The following GPRIN1 variants were observed in gnomAD, a reference collection of about 807,000 sequenced individuals.
The protein encoded by GPRIN1 is G protein regulated inducer of neurite outgrowth 1.
A neutral mutation model predicts 2.8 loss-of-function variants in GPRIN1; 4 were observed. The observed-to-expected ratio is 1.45, with a 90% CI of 0.71 to 3.32. GPRIN1 has a LOEUF of 3.32. Among genes scored for constraint, GPRIN1 ranks in the 30% most tolerant of loss-of-function variants. The pLI, the probability that GPRIN1 is intolerant of heterozygous loss-of-function variation, is 0.01. For missense variants in GPRIN1, 1,322 were observed against 1,343.4 expected (o/e 0.98, Z 0.25); for synonymous variants, 589 against 589.9 (o/e 1.00, Z 0.02).
intron 1 of GPRIN1, among the ~76,000 whole-genome samples, chr5:176,604,300 G>C (rs1277296464): frequency 1.3e-5 from 2 of 152,234 alleles, no homozygotes; most frequent in South Asian, 2.1e-4. Flanking sequence ...AGTCGGAAAG[G>C]GGGTGGCAGC....
chr5:176,604,846 GCCTCAGCCTCC>G (rs1386130708), intron 1 of GPRIN1, among the ~76,000 whole-genome samples: 5 of 151,400 alleles, frequency 3.3e-5, no homozygotes, highest in Non-Finnish European at 7.4e-5. Flanking sequence ...TGATTCTCCT[GCCTCAGCCTCC>G]CAAGTAGCTG....
intron 1 of GPRIN1, among the ~76,000 whole-genome samples, chr5:176,606,218 T>C (rs529442972): frequency 7.2e-5 from 11 of 152,056 alleles, no homozygotes; most frequent in Non-Finnish European, 1.3e-4. Context: ...AAATGAGGGG[T>C]GTGCCTGACT....
intron 1 of GPRIN1, among the ~76,000 whole-genome samples, chr5:176,607,901 C>CTT (rs1304388285): frequency 2.1e-5 from 2 of 95,904 alleles, no homozygotes; most frequent in Non-Finnish European, 4.2e-5. Context: ...TGACACTTGG[C>CTT]TCTTTTTTTT....
In GPRIN1 at chr5:176,598,712, C is replaced by G. The variant is rs768405768; in HGVS notation, c.1123G>C (p.Gly375Arg). 1.9e-6 allele frequency: 3 copies of G among 1,614,066 alleles called. No individual in the cohort carries two copies. The highest frequency in any genetic ancestry group is 1.1e-5 in the South Asian group (1 of 91,088). Residue 375 changes from glycine to arginine, a missense_variant, in exon 2 of 2, where the codon GGA (glycine) becomes CGA (arginine). Gly to Arg is a moderately radical substitution (Grantham distance 125). Transcript: ENST00000303991. ...PATKEDSRFL[G>R]KMDPASSGEG... ...CCTGAGGAGGCAGGGTCCATCTTTC[C>G]CAGGAACCGGGAGTCCTCTTTTGTG...
chr5:176,608,284 A>G (rs1477916021), intron 1 of GPRIN1, among the ~76,000 whole-genome samples: 1 of 152,146 alleles, frequency 6.6e-6, no homozygotes, highest in Admixed American at 6.5e-5. Context: ...CTCCCAAGCA[A>G]CAGTGCCAAG....
Position 176,597,015 on chromosome 5 carries a change from C to T in GPRIN1, c.2820G>A (p.Lys940=). ...EVEVLGMAIQ[K]HLERQIEEHG... ...GCTCCTCGATCTGTCGCTCCAGATG[C>T]TTCTGGATGGCCATGCCCAGCACCT... is the stretch of plus-strand genomic sequence containing the variant. The change falls in exon 2 of 2, where the codon AAG becomes AAA. Residue 940 remains lysine (K), a synonymous_variant. Transcript: ENST00000303991. This position sits in a 1 kb window ranked among gnomAD's most constrained non-coding sequence, Gnocchi z 6.1. The T allele has an allele frequency of 1.4e-6, 2 of 1,476,160 alleles. No homozygotes were observed. Among genetic ancestry groups the T allele is most frequent in the Non-Finnish European group, 1.8e-6 (2 of 1,108,598 alleles). The allele number at this position is 1,476,160 out of a possible 1,614,324, so 91.4% of individuals were successfully genotyped here.
chr5:176,597,110 G>A lies in GPRIN1; in HGVS notation c.2725C>T (p.Pro909Ser). ...TCGTCCCAGCTCACGTCTCGCACGG[G>A]CTCAGCCGGCTCCGGGGGCGCTACA... ...AAVAPPEPAE[P>S]VRDVSWDEKG... Residue 909 changes from proline to serine, a missense_variant, in exon 2 of 2, where the codon CCC becomes TCC. Pro to Ser is a moderately conservative substitution (Grantham distance 74, BLOSUM62 -1). Around this residue, in one of 3 missense-constraint regions of GPRIN1, gnomAD observed 196 missense variants for 189.2 expected, o/e 1.04. Coordinates refer to ENST00000303991, the MANE Select transcript of GPRIN1 (RefSeq NM_052899.3). This position sits in a 1 kb window ranked among gnomAD's most constrained non-coding sequence, Gnocchi z 6.1. The A allele has an allele frequency of 1.4e-6, 2 of 1,476,062 alleles. No individual in the cohort carries two copies. Among genetic ancestry groups the A allele is most frequent in the South Asian group, 1.3e-5 (1 of 75,090 alleles). 91.4% of individuals were successfully genotyped at this position (1,476,062 alleles called of 1,614,324 possible).
intron 1 of GPRIN1, among the ~76,000 whole-genome samples, chr5:176,601,129 G>A (rs1759143652): frequency 6.6e-6 from 1 of 152,054 alleles, no homozygotes; most frequent in African/African-American, 2.4e-5. Context: ...AGACTTGCCT[G>A]TAGGCCACCA....
chr5:176,597,045 C>T lies in GPRIN1; in HGVS notation c.2790G>A (p.Glu930=), dbSNP rs760843082. 4 of 1,506,242 alleles carry T rather than the reference C, an allele frequency of 2.7e-6. No individual in the cohort carries two copies. The Admixed American group carries it at 5.7e-5, about 21-fold the overall frequency. The allele number at this position is 1,506,242 out of a possible 1,614,324, so 93.3% of individuals were successfully genotyped here. A position where few individuals can be genotyped will look rare whatever the true frequency, so the allele number is the denominator to read the frequency against. ...MTWEVYGAAM[E]VEVLGMAIQK... is the part of the protein sequence containing the mutation. Reference sequence around the variant, plus strand: ...GGATGGCCATGCCCAGCACCTCCACCTCCATGGCGGCGCCGTATACCTCCC... The same window carrying T: ...GGATGGCCATGCCCAGCACCTCCACTTCCATGGCGGCGCCGTATACCTCCC... Residue 930 remains glutamate (E), a synonymous_variant, in exon 2 of 2, where the codon GAG becomes GAA. Transcript: ENST00000303991. The surrounding 1 kb of genome is among the most constrained non-coding windows in gnomAD (Gnocchi z 6.1).
chr5:176,603,093 A>G (rs1485625329), intron 1 of GPRIN1, among the ~76,000 whole-genome samples: 2 of 152,002 alleles, frequency 1.3e-5, no homozygotes, highest in South Asian at 2.1e-4. Flanking sequence ...TTTTTTTCCA[A>G]TGGACAATAA....
Position 176,597,571 on chromosome 5 carries a change from A to C in GPRIN1, c.2264T>G (p.Val755Gly). The change falls in exon 2 of 2, where the codon GTG becomes GGG. Residue 755 changes from valine to glycine, a missense_variant. Physicochemically the swap from Val to Gly is moderately radical, Grantham distance 109. Coordinates refer to ENST00000303991, the MANE Select transcript of GPRIN1 (RefSeq NM_052899.3). The surrounding 1 kb of genome is among the most constrained non-coding windows in gnomAD (Gnocchi z 6.1). Reference sequence around the variant, plus strand: ...GAGACTGGAGGCCTCGGTGCTGGACACGGGCTCGGCCTTCGGCTCCACGCG... The same window carrying C: ...GAGACTGGAGGCCTCGGTGCTGGACCCGGGCTCGGCCTTCGGCTCCACGCG... Reference protein sequence around the residue: ...EGRVEPKAEPVSSTEASSLGQ... With the variant: ...EGRVEPKAEPGSSTEASSLGQ... 2 of 1,587,798 alleles carry C rather than the reference A, an allele frequency of 1.3e-6. No homozygotes were observed. The highest frequency in any genetic ancestry group is 1.7e-6 in the Non-Finnish European group (2 of 1,173,834).
chr5:176,600,928 AAACAAAAATT>A (rs1211994906), intron 1 of GPRIN1, among the ~76,000 whole-genome samples: 2 of 152,178 alleles, frequency 1.3e-5, no homozygotes, highest in African/African-American at 2.4e-5. Flanking sequence ...AAATAAACAA[AAACAAAAATT>A]AATAAAAATA....
chr5:176,603,745 T>G (rs1251041721), intron 1 of GPRIN1, among the ~76,000 whole-genome samples: 1 of 152,200 alleles, frequency 6.6e-6, no homozygotes, highest in East Asian at 1.9e-4. Context: ...ATTCGTGGGA[T>G]CACTGGATGG....
rs1443958143 is a variant in GPRIN1 at position 176,598,261 on chromosome 5, T to C, written c.1574A>G (p.Glu525Gly). Residue 525 changes from glutamate to glycine, a missense_variant, in exon 2 of 2, where the codon GAG becomes GGG. Physicochemically the swap from Glu to Gly is moderately conservative, Grantham distance 98. This residue lies in a region of GPRIN1 where 1,117 missense variants were observed against 1,128.6 expected (regional missense o/e 0.99). Transcript: ENST00000303991. Reference protein sequence around the residue: ...TGGKGDPLSSEKAGLVASGKA... With the variant: ...TGGKGDPLSSGKAGLVASGKA... Reference sequence around the variant, plus strand: ...TCCAGAGGCCACCAGACCTGCCTTCTCCGAGGACAGGGGATCTCCTTTTCC... The same window carrying C: ...TCCAGAGGCCACCAGACCTGCCTTCCCCGAGGACAGGGGATCTCCTTTTCC... The C allele has an allele frequency of 1.2e-6, 2 of 1,613,162 alleles. No homozygotes were observed. Among genetic ancestry groups the C allele is most frequent in the Non-Finnish European group, 1.7e-6 (2 of 1,179,786 alleles).
chr5:176,595,827 T>C lies in GPRIN1; in HGVS notation c.*981A>G, dbSNP rs1759020054. On this transcript the variant is annotated 3_prime_UTR_variant, in exon 2 of 2. Coordinates refer to ENST00000303991, the MANE Select transcript of GPRIN1 (RefSeq NM_052899.3). ...TTGGGGAAATATTTTATTACCAATG[T>C]ATACTGTGACAGTTTGTAGCCAAAA... 6.8e-6 allele frequency: 5 copies of C among 734,374 alleles called. No individual in the cohort carries two copies. In the East Asian group the frequency reaches 1.3e-4, roughly 19 times the overall value. The allele number at this position is 734,374 out of a possible 1,614,324, so 45.5% of individuals were successfully genotyped here.
In GPRIN1 at chr5:176,601,685, A is replaced by T. The variant is rs1008216553; in HGVS notation, c.-43-1808T>A. 5.9e-5 allele frequency among the ~76,000 whole-genome samples: 9 copies of T among 152,274 alleles called. No individual in the cohort carries two copies. The East Asian group carries it at 1.7e-3, about 29-fold the overall frequency. On this transcript the variant is annotated intron_variant, in intron 1 of 1. Transcript: ENST00000303991. ...CCGTTACACACTCAGTAGCCAAAGCAAATAGAGCTCCTGATCCCCTCAAAC... is the reference window on the plus strand; with the variant it reads ...CCGTTACACACTCAGTAGCCAAAGCTAATAGAGCTCCTGATCCCCTCAAAC...
At chr5:176,601,538 G>A (rs975137479) in intron 1 of GPRIN1, among the ~76,000 whole-genome samples, 6 of 152,160 alleles carry the variant, frequency 3.9e-5, no homozygotes, top group African/African-American at 9.7e-5. Flanking sequence ...GCTGGGTGAT[G>A]GTGCTGAGCA....
chr5:176,597,816 T>A lies in GPRIN1; in HGVS notation c.2019A>T (p.Gly673=), dbSNP rs754788563. The A allele has an allele frequency of 1.2e-6, 2 of 1,609,850 alleles. No homozygotes were observed. Among genetic ancestry groups the A allele is most frequent in the Non-Finnish European group, 1.7e-6 (2 of 1,178,008 alleles). The change falls in exon 2 of 2, where the codon GGA becomes GGT. Residue 673 remains glycine, a synonymous_variant. Transcript: ENST00000303991. This position sits in a 1 kb window ranked among gnomAD's most constrained non-coding sequence, Gnocchi z 6.1. ...TPQASEKVDP[G]SCRKAEPLAS... is the part of the protein sequence containing the mutation. ...CAAGGGGCTCTGCTTTTCTGCAGGA[T>A]CCAGGATCCACCTTCTCTGAGGCCT...
Position 176,597,609 on chromosome 5 carries a change from C to G in GPRIN1, c.2226G>C (p.Arg742Ser). 1 of 1,599,936 alleles carries G rather than the reference C, an allele frequency of 6.3e-7. No individual in the cohort carries two copies. Among genetic ancestry groups the G allele is most frequent in the African/African-American group, 1.3e-5 (1 of 75,020 alleles). The change falls in exon 2 of 2, where the codon AGG (arginine) becomes AGC (serine). Residue 742 changes from arginine to serine, a missense_variant. Transcript: ENST00000303991. This position sits in a 1 kb window ranked among gnomAD's most constrained non-coding sequence, Gnocchi z 6.1. ...LGSARSPEGA[R>S]GSEGRVEPKA... Reference sequence around the variant, plus strand: ...TCGGCTCCACGCGGCCTTCACTGCCCCTGGCACCCTCGGGAGACCGGGCTG... The same window carrying G: ...TCGGCTCCACGCGGCCTTCACTGCCGCTGGCACCCTCGGGAGACCGGGCTG...
Sources: allele counts gnomAD v4.1 joint callset (sites outside exome capture counted in the v4.1 genomes callset), GRCh38; gene constraint gnomAD v4.1.1; regional missense constraint gnomAD v4.1.1; non-coding constraint Gnocchi (gnomAD v3.1); transcripts MANE v1.5; gene names NCBI Gene and HGNC (gene_info 2026-07-23, HGNC 2026-07-21).